MAGI1: variants seen among roughly 807,000 people sequenced by gnomAD.
The protein encoded by MAGI1 is membrane-associated guanylate kinase, WW and PDZ domain-containing protein 1.
MAGI1 carries 58 observed loss-of-function variants against 139.9 expected under a neutral mutation model. The observed-to-expected ratio is 0.41, with a 90% CI of 0.34 to 0.52. The LOEUF (loss-of-function observed/expected upper bound fraction) is 0.52, where lower values mean the gene tolerates loss of function less well. MAGI1 is among the 20% of genes least tolerant of loss of function. The pLI is 0.12. For missense variants in MAGI1, 1,874 were observed against 1,901.6 expected (o/e 0.99, Z 0.27); for synonymous variants, 812 against 737.9 (o/e 1.10, Z -1.63).
At chr3:65,735,356 CGTGTGTGT>C (rs368243061) in intron 1 of MAGI1, among the ~76,000 whole-genome samples, 1 of 148,078 alleles carries the variant, frequency 6.8e-6, no homozygotes, top group African/African-American at 2.5e-5. Flanking sequence ...TGTGTCTGCA[CGTGTGTGT>C]GTGTGTGTGT....
At chr3:65,656,867 A>G (rs2085904072) in intron 1 of MAGI1, among the ~76,000 whole-genome samples, 1 of 151,150 alleles carries the variant, frequency 6.6e-6, no homozygotes, top group Non-Finnish European at 1.5e-5. Flanking sequence ...GCATGGTGGC[A>G]TGCATCTGTA....
intron 1 of MAGI1, among the ~76,000 whole-genome samples, chr3:65,700,523 T>C (rs925032918): frequency 6.6e-6 from 1 of 152,172 alleles, no homozygotes; most frequent in African/African-American, 2.4e-5. Context: ...AATTATAATT[T>C]TGAATAGTAA....
At chr3:66,006,343 T>C (rs1054126302) in intron 1 of MAGI1, among the ~76,000 whole-genome samples, 3 of 152,182 alleles carry the variant, frequency 2.0e-5, no homozygotes, top group Admixed American at 2.0e-4. Flanking sequence ...AGACAGAAAG[T>C]TGCCCAGCAT....
At chr3:65,560,686 A>T (rs1264898323) in intron 2 of MAGI1, among the ~76,000 whole-genome samples, 2 of 152,196 alleles carry the variant, frequency 1.3e-5, no homozygotes, top group Non-Finnish European at 2.9e-5. Flanking sequence ...AAGGACAAAG[A>T]AAAGCCACCA....
intron 13 of MAGI1, among the ~76,000 whole-genome samples, chr3:65,397,251 G>T (rs866228480): frequency 1.3e-5 from 2 of 152,208 alleles, no homozygotes; most frequent in African/African-American, 2.4e-5. Flanking sequence ...ACATAAAACG[G>T]AATGATCTAG....
intron 2 of MAGI1, among the ~76,000 whole-genome samples, chr3:65,604,193 A>C (rs1524963): frequency 0.03 from 4,267 of 144,056 alleles, 196 homozygotes; most frequent in African/African-American, 0.098. Flanking sequence ...ATCCAAATGC[A>C]AAAAAAAAAA....
chr3:65,538,837 C>G (rs916943655), intron 2 of MAGI1, among the ~76,000 whole-genome samples: 2 of 152,148 alleles, frequency 1.3e-5, no homozygotes, highest in Admixed American at 1.3e-4. Flanking sequence ...AGCAGTCATA[C>G]AAACCAACTA....
chr3:65,464,672 C>T (rs190382409), intron 5 of MAGI1, among the ~76,000 whole-genome samples: 24 of 152,166 alleles, frequency 1.6e-4, no homozygotes, highest in African/African-American at 2.6e-4. Flanking sequence ...TGAAATCATG[C>T]GTCATAGATA....
chr3:65,470,411 A>T lies in MAGI1; in HGVS notation c.831T>A (p.Ala277=). 1 of 1,613,896 alleles carries T rather than the reference A, an allele frequency of 6.2e-7. No individual in the cohort carries two copies. Among genetic ancestry groups the T allele is most frequent in the East Asian group, 2.2e-5 (1 of 44,862 alleles). Residue 277 remains alanine (A), a synonymous_variant, in exon 5 of 23, where the codon GCT becomes GCA. Coordinates refer to ENST00000402939, the MANE Select transcript of MAGI1 (RefSeq NM_001033057.2). ...ALPPVNSSII[A]APITDPSQKF... ...TCTGAGAAGGGTCCGTGATGGGAGC[A>T]GCGATGATGCTACTATTCACAGGTG...
At chr3:65,677,587 T>C (rs910844093) in intron 1 of MAGI1, among the ~76,000 whole-genome samples, 2 of 152,226 alleles carry the variant, frequency 1.3e-5, no homozygotes, top group African/African-American at 2.4e-5. Context: ...AAGTCAACAC[T>C]GGACCCAGAC....
intron 2 of MAGI1, among the ~76,000 whole-genome samples, chr3:65,545,248 G>A (rs1279610403): frequency 6.6e-6 from 1 of 152,100 alleles, no homozygotes; most frequent in Non-Finnish European, 1.5e-5. Flanking sequence ...AATGGAAAAT[G>A]GGGGCAAAGG....
chr3:65,695,052 G>A (rs1331167215), intron 1 of MAGI1, among the ~76,000 whole-genome samples: 1 of 152,060 alleles, frequency 6.6e-6, no homozygotes, highest in Non-Finnish European at 1.5e-5. Flanking sequence ...AAATTACGCA[G>A]GAAGGAAAGG....
intron 1 of MAGI1, among the ~76,000 whole-genome samples, chr3:65,947,299 T>C (rs2063585525): frequency 6.6e-6 from 1 of 152,174 alleles, no homozygotes. Context: ...TTATCTATAG[T>C]AATTCTGGGA....
chr3:66,017,301 A>T (rs2067702460), intron 1 of MAGI1, among the ~76,000 whole-genome samples: 1 of 152,204 alleles, frequency 6.6e-6, no homozygotes, highest in African/African-American at 2.4e-5. Flanking sequence ...CAGATGGAAA[A>T]ACCGGGAAGC....
At chr3:65,433,092 C>G (rs1947583393) in intron 10 of MAGI1, among the ~76,000 whole-genome samples, 1 of 152,168 alleles carries the variant, frequency 6.6e-6, no homozygotes, top group Non-Finnish European at 1.5e-5. Context: ...AGAATGTTAG[C>G]TCCATGAGGA....
At chr3:65,860,912 T>G (rs931093701) in intron 1 of MAGI1, among the ~76,000 whole-genome samples, 4 of 152,252 alleles carry the variant, frequency 2.6e-5, no homozygotes, top group East Asian at 3.9e-4. Flanking sequence ...GAATTCAAAT[T>G]CAAATTCAAA....
At chr3:65,713,816 G>A (rs750008589) in intron 1 of MAGI1, among the ~76,000 whole-genome samples, 4 of 152,212 alleles carry the variant, frequency 2.6e-5, no homozygotes, top group Non-Finnish European at 5.9e-5. Context: ...TTTACTGCAT[G>A]CCTGCTTCCT....
In MAGI1 at chr3:65,425,441, A is replaced by G. The variant is rs76925668; in HGVS notation, c.2167+4079T>C. Among the ~76,000 whole-genome samples the G allele has an allele frequency of 3.1e-3, 471 of 152,242 alleles. 4 individuals carry two copies. Among genetic ancestry groups the G allele is most frequent in the African/African-American group, 0.011 (446 of 41,536 alleles). On this transcript the variant is annotated intron_variant, in intron 12 of 22. Transcript: ENST00000402939. The stretch of plus-strand genomic sequence containing the variant: ...TCCACAGTCCTGTGGTCTTTCCTCT[A>G]TACAACAATAAGGTCATCCCTTGCA...
intron 1 of MAGI1, among the ~76,000 whole-genome samples, chr3:65,786,932 C>T (rs919434669): frequency 6.6e-6 from 1 of 152,138 alleles, no homozygotes; most frequent in East Asian, 1.9e-4. Flanking sequence ...TCTTTTAATG[C>T]TGACCAACAC....
Sources: allele counts gnomAD v4.1 joint callset (sites outside exome capture counted in the v4.1 genomes callset), GRCh38; gene constraint gnomAD v4.1.1; transcripts MANE v1.5; gene names NCBI Gene and HGNC (gene_info 2026-07-23, HGNC 2026-07-21).